The following NDUFS4 variants were observed in gnomAD, a reference collection of about 807,000 sequenced individuals.
The protein encoded by NDUFS4 is NADH:ubiquinone oxidoreductase subunit S4.
A neutral mutation model predicts 24.3 loss-of-function variants in NDUFS4; 28 were observed. The ratio of observed to expected loss-of-function variants is 1.15; its 90% confidence interval spans 0.85 to 1.58. NDUFS4 has a LOEUF of 1.58. Among genes scored for constraint, NDUFS4 ranks in the 40% most tolerant of loss-of-function variants. The pLI, the probability that NDUFS4 is intolerant of heterozygous loss-of-function variation, is 0.00. For missense variants in NDUFS4, 223 were observed against 207.9 expected (o/e 1.07, Z -0.45); for synonymous variants, 93 against 69.7 (o/e 1.34, Z -1.67).
chr5:53,670,969 T>A (rs572374544), intron 4 of NDUFS4, among the ~76,000 whole-genome samples: 2 of 151,664 alleles, frequency 1.3e-5, no homozygotes, highest in South Asian at 4.1e-4. Context: ...TATACTCTAC[T>A]ATCTATATAG....
chr5:53,659,050 AATT>A (rs751334779), intron 4 of NDUFS4, among the ~76,000 whole-genome samples: 12 of 152,260 alleles, frequency 7.9e-5, no homozygotes, highest in Middle Eastern at 3.4e-3. Context: ...TTAATAACTC[AATT>A]ATTTGAAAAT....
At chr5:53,619,978 A>G (rs1019424495) in intron 2 of NDUFS4, among the ~76,000 whole-genome samples, 1 of 152,106 alleles carries the variant, frequency 6.6e-6, no homozygotes, top group Non-Finnish European at 1.5e-5. Context: ...TTATTTTAGT[A>G]TCAATTCTTT....
intron 4 of NDUFS4, among the ~76,000 whole-genome samples, chr5:53,664,828 C>T (rs142468916): frequency 0.13 from 20,394 of 152,202 alleles, 1,776 homozygotes; most frequent in Non-Finnish European, 0.18. Flanking sequence ...TCTGTCAACT[C>T]GTCAAAGTCA....
chr5:53,563,304 T>C (rs1748917071), intron 1 of NDUFS4, among the ~76,000 whole-genome samples: 1 of 149,394 alleles, frequency 6.7e-6, no homozygotes. Context: ...AATTCAATTA[T>C]AGTATATCAT....
Position 53,683,109 on chromosome 5 carries a change from T to C in NDUFS4, c.425-9T>C, listed in dbSNP as rs759717621. The C allele has an allele frequency of 5.1e-6, 8 of 1,560,128 alleles. No homozygotes were observed. The East Asian group carries it at 1.6e-4, about 31-fold the overall frequency. ...TTTCTGTGGATTTGTCTTTGTTTTT[T>C]CCTCCTAGGATGGAGCTATGACATT... On this transcript the variant is annotated splice_polypyrimidine_tract_variant and intron_variant, in intron 4 of 4. Coordinates refer to ENST00000296684, the MANE Select transcript of NDUFS4 (RefSeq NM_002495.4).
At chr5:53,593,163 C>T (rs538454018) in intron 1 of NDUFS4, among the ~76,000 whole-genome samples, 2 of 152,080 alleles carry the variant, frequency 1.3e-5, no homozygotes, top group Non-Finnish European at 2.9e-5. Flanking sequence ...AACATCTGGA[C>T]GTTATGGTTT....
At chr5:53,644,507 A>G (rs1394016253) in intron 2 of NDUFS4, among the ~76,000 whole-genome samples, 4 of 152,188 alleles carry the variant, frequency 2.6e-5, no homozygotes, top group Non-Finnish European at 5.9e-5. Context: ...TTAAACATTG[A>G]GGACTTCCCA....
intron 3 of NDUFS4, among the ~76,000 whole-genome samples, chr5:53,652,285 C>A (rs2112514476): frequency 6.6e-6 from 1 of 151,438 alleles, no homozygotes; most frequent in South Asian, 2.1e-4. Flanking sequence ...TGCTATCTTG[C>A]TGTTAAATAC....
chr5:53,663,541 G>A (rs1350888930), intron 4 of NDUFS4, among the ~76,000 whole-genome samples: 1 of 152,148 alleles, frequency 6.6e-6, no homozygotes, highest in Non-Finnish European at 1.5e-5. Flanking sequence ...ATATATTTAG[G>A]ATAGTTAGCT....
intron 2 of NDUFS4, among the ~76,000 whole-genome samples, chr5:53,641,907 C>T (rs1461152290): frequency 1.3e-5 from 2 of 152,008 alleles, no homozygotes; most frequent in African/African-American, 4.8e-5. Context: ...CTGTAAATAA[C>T]TAATAGTCTG....
chr5:53,613,760 G>C (rs1300686186), intron 2 of NDUFS4, among the ~76,000 whole-genome samples: 1 of 151,552 alleles, frequency 6.6e-6, no homozygotes, highest in East Asian at 1.9e-4. Flanking sequence ...TGGAAGTGTA[G>C]ATTTCATAGT....
chr5:53,632,337 C>T lies in NDUFS4; in HGVS notation c.178-13896C>T, dbSNP rs190353172. On this transcript the variant is annotated intron_variant, in intron 2 of 4. Transcript: ENST00000296684. ...TGATTGATATTAAGCATTGTATGGG[C>T]AGTCATAGAGTTGCTCTTCTTCTTA... 2.6e-4 allele frequency among the ~76,000 whole-genome samples: 39 copies of T among 152,300 alleles called. No homozygotes were observed. In the East Asian group the frequency reaches 7.5e-3, roughly 29 times the overall value.
chr5:53,604,804 A>G (rs1204538075), intron 2 of NDUFS4: 2 of 456,242 alleles, frequency 4.4e-6, no homozygotes, highest in South Asian at 3.1e-5. Flanking sequence ...TTCCTGCTTC[A>G]AGGCATTTGG....
At chr5:53,658,065 A>C (rs1752216126) in intron 3 of NDUFS4, among the ~76,000 whole-genome samples, 1 of 152,108 alleles carries the variant, frequency 6.6e-6, no homozygotes, top group South Asian at 2.1e-4. Context: ...TTATTTTTTT[A>C]TGCTTTAAAA....
At chr5:53,621,700 T>C (rs998515083) in intron 2 of NDUFS4, among the ~76,000 whole-genome samples, 16 of 111,936 alleles carry the variant, frequency 1.4e-4, no homozygotes, top group African/African-American at 4.2e-4. Context: ...ATTTTTTTTT[T>C]TTTTTTTTTT....
chr5:53,579,823 A>C (rs1749498236), intron 1 of NDUFS4, among the ~76,000 whole-genome samples: 1 of 152,190 alleles, frequency 6.6e-6, no homozygotes, highest in African/African-American at 2.4e-5. Context: ...TCCTTATAAG[A>C]AGGATGCAGG....
chr5:53,597,995 T>A (rs1485327082), intron 1 of NDUFS4, among the ~76,000 whole-genome samples: 1 of 152,212 alleles, frequency 6.6e-6, no homozygotes, highest in Non-Finnish European at 1.5e-5. Context: ...AATAATCATA[T>A]GAAAATATGT....
At chr5:53,571,699 A>G (rs569511950) in intron 1 of NDUFS4, among the ~76,000 whole-genome samples, 15 of 152,196 alleles carry the variant, frequency 9.9e-5, no homozygotes, top group African/African-American at 3.4e-4. Context: ...GTTATTATCT[A>G]TCTTTTTGAA....
intron 2 of NDUFS4, among the ~76,000 whole-genome samples, chr5:53,626,297 T>C (rs1751223145): frequency 6.6e-6 from 1 of 152,188 alleles, no homozygotes; most frequent in Admixed American, 6.5e-5. Context: ...TGATGGGCAT[T>C]TGGGTTGGTT....
Sources: gnomAD v4.1 joint callset for allele counts (sites outside exome capture counted in the v4.1 genomes callset) on GRCh38, gnomAD v4.1.1 for gene constraint, MANE v1.5 for transcripts, NCBI Gene and HGNC (gene_info 2026-07-23, HGNC 2026-07-21) for gene names.